Variants in HDAC4 observed in about 807,000 individuals in gnomAD.
The protein encoded by HDAC4 is histone deacetylase A.
A neutral mutation model predicts 135.1 loss-of-function variants in HDAC4; 16 were observed. The ratio of observed to expected loss-of-function variants is 0.12; its 90% CI spans 0.08 to 0.18. The LOEUF is 0.18. Ranked by LOEUF, HDAC4 falls within the 10% of genes least tolerant of loss-of-function variation. The pLI is 1.00. For missense variants in HDAC4, 1,143 were observed against 1,511.8 expected (o/e 0.76, Z 4.05); for synonymous variants, 685 against 653.4 (o/e 1.05, Z -0.74).
In HDAC4 at chr2:239,208,405, G is replaced by A. The variant is rs1055052467; in HGVS notation, c.95-18328C>T. Among the ~76,000 whole-genome samples, 4 of 150,774 alleles carry A rather than the reference G, an allele frequency of 2.7e-5. No homozygotes were observed. The South Asian group carries it at 8.4e-4, about 32-fold the overall frequency. On this transcript the variant is annotated intron_variant, in intron 3 of 26. Coordinates refer to ENST00000543185, the MANE Select transcript of HDAC4 (RefSeq NM_001378414.1). ...AAACCACCTATAAATCCAACTCACC[G>A]TTAATTATGATCATCTTCAGAATGA... is the stretch of plus-strand genomic sequence containing the variant.
intron 1 of HDAC4, among the ~76,000 whole-genome samples, chr2:239,384,155 C>T (rs1463717386): frequency 6.6e-6 from 1 of 152,216 alleles, no homozygotes; most frequent in Non-Finnish European, 1.5e-5. Flanking sequence ...ATGGGAAAGA[C>T]ACCCAGGCTA....
chr2:239,288,758 T>C (rs1309085550), intron 2 of HDAC4, among the ~76,000 whole-genome samples: 2 of 152,148 alleles, frequency 1.3e-5, no homozygotes, highest in East Asian at 1.9e-4. Context: ...ACAAGACCTT[T>C]ATAGAGAAAA....
At chr2:239,202,479 C>T (rs2045815557) in intron 3 of HDAC4, among the ~76,000 whole-genome samples, 1 of 152,110 alleles carries the variant, frequency 6.6e-6, no homozygotes, top group African/African-American at 2.4e-5. Context: ...GAGAAGGTAC[C>T]CTGGCCTCCA....
chr2:239,377,489 C>G (rs1695095753), intron 1 of HDAC4, among the ~76,000 whole-genome samples: 1 of 152,082 alleles, frequency 6.6e-6, no homozygotes, highest in South Asian at 2.1e-4. Flanking sequence ...CTCCTGGAGG[C>G]CCTGTCTTCT....
In HDAC4 at chr2:239,106,186, C is replaced by T. The variant is rs576022966; in HGVS notation, c.2112+1864G>A. ...GACAGGCAGAGGAGCCGAGGGCGGGCGGAGGAGCTGAGGGCGGGCGGAGGA... is the reference window on the plus strand; with the variant it reads ...GACAGGCAGAGGAGCCGAGGGCGGGTGGAGGAGCTGAGGGCGGGCGGAGGA... On this transcript the variant is annotated intron_variant, in intron 15 of 26. Transcript: ENST00000543185. 2.5e-3 allele frequency among the ~76,000 whole-genome samples: 383 copies of T among 152,180 alleles called. No homozygotes were observed. The Middle Eastern group carries it at 0.027, about 11-fold the overall frequency.
At chr2:239,164,474 A>G (rs1559541126) in intron 5 of HDAC4, among the ~76,000 whole-genome samples, 1 of 152,236 alleles carries the variant, frequency 6.6e-6, no homozygotes, top group Non-Finnish European at 1.5e-5. Flanking sequence ...GACTGCACCA[A>G]GTGGGACCGA....
intron 7 of HDAC4, among the ~76,000 whole-genome samples, chr2:239,148,918 A>C (rs978140592): frequency 1.3e-5 from 2 of 152,192 alleles, no homozygotes; most frequent in African/African-American, 4.8e-5. Flanking sequence ...TAAGCAAATG[A>C]AAAAAATGAT....
chr2:239,170,996 C>G (rs1452437496), intron 5 of HDAC4, among the ~76,000 whole-genome samples: 6 of 152,188 alleles, frequency 3.9e-5, no homozygotes, highest in African/African-American at 1.4e-4. Flanking sequence ...AGCTCCAGAC[C>G]TGACTGCATT....
intron 14 of HDAC4, among the ~76,000 whole-genome samples, chr2:239,110,792 G>A (rs2152796349): frequency 6.6e-6 from 1 of 152,360 alleles, no homozygotes; most frequent in East Asian, 1.9e-4. Flanking sequence ...CCTGCCAGAA[G>A]CCAGCCCTCC....
chr2:239,297,683 G>A (rs1044324746), intron 2 of HDAC4, among the ~76,000 whole-genome samples: 1 of 152,186 alleles, frequency 6.6e-6, no homozygotes, highest in Non-Finnish European at 1.5e-5. Flanking sequence ...GACTTGCCTC[G>A]GGATTGCACC....
At chr2:239,078,154 C>T (rs1185806602) in intron 22 of HDAC4, among the ~76,000 whole-genome samples, 1 of 152,188 alleles carries the variant, frequency 6.6e-6, no homozygotes, top group Non-Finnish European at 1.5e-5. Flanking sequence ...TACAAGCCCC[C>T]ACCCCCAGCG....
chr2:239,089,853 A>C (rs1423829343), intron 18 of HDAC4, 156 bp downstream of exon 18: 10 of 670,900 alleles, frequency 1.5e-5, no homozygotes, highest in East Asian at 1.4e-4. Flanking sequence ...TCTTTGATTC[A>C]ATAGCGAGGC....
rs932009469 is a variant in HDAC4 at position 239,137,796 on chromosome 2, C to A, written c.978+1888G>T. Among the ~76,000 whole-genome samples the A allele has an allele frequency of 8.5e-5, 13 of 152,358 alleles. 1 individual carries two copies. The highest frequency in any genetic ancestry group is 3.3e-4 in the Admixed American group (5 of 15,312). On this transcript the variant is annotated intron_variant, in intron 9 of 26. Coordinates refer to ENST00000543185, the MANE Select transcript of HDAC4 (RefSeq NM_001378414.1). ...CCCAGAAAGGGCGCCTGGGTGTGAT[C>A]CAACATGCAAAGGCTGCCCGTGCCC...
rs550717439 is a variant in HDAC4 at position 239,314,175 on chromosome 2, A to G, written c.22+38503T>C. On this transcript the variant is annotated intron_variant, in intron 2 of 26. Coordinates refer to ENST00000543185, the MANE Select transcript of HDAC4 (RefSeq NM_001378414.1). Reference sequence around the variant, plus strand: ...TGGCACCTCCCAGCACCAGGCAGAAACCTTCTCTAGAGGAACACGCTATGA... The same window carrying G: ...TGGCACCTCCCAGCACCAGGCAGAAGCCTTCTCTAGAGGAACACGCTATGA... 1.1e-4 allele frequency among the ~76,000 whole-genome samples: 16 copies of G among 152,296 alleles called. No homozygotes were observed. In the South Asian group the frequency reaches 3.3e-3, roughly 32 times the overall value.
chr2:239,089,916 G>T, intron 18 of HDAC4, 93 bp downstream of exon 18: 1 of 920,552 alleles, frequency 1.1e-6, no homozygotes, highest in Non-Finnish European at 1.8e-6. Context: ...CTCCCAGCCT[G>T]ATGAGAGGGA....
chr2:239,087,245 AG>A (rs1277863539), intron 19 of HDAC4, among the ~76,000 whole-genome samples: 11 of 152,168 alleles, frequency 7.2e-5, no homozygotes, highest in Non-Finnish European at 1.5e-4. Context: ...GACTCACTTG[AG>A]GGTGAGTGGT....
chr2:239,203,363 A>C (rs2045871309), intron 3 of HDAC4, among the ~76,000 whole-genome samples: 1 of 152,230 alleles, frequency 6.6e-6, no homozygotes, highest in Admixed American at 6.5e-5. Flanking sequence ...CAAGGATAAA[A>C]ATACGTTTGA....
intron 24 of HDAC4, among the ~76,000 whole-genome samples, chr2:239,066,298 C>A (rs1224900906): frequency 6.6e-6 from 1 of 152,204 alleles, no homozygotes; most frequent in East Asian, 1.9e-4. Flanking sequence ...GCAGAAGAGC[C>A]CCAGCCTGCC....
At chr2:239,324,629 C>T (rs925650818) in intron 2 of HDAC4, among the ~76,000 whole-genome samples, 12 of 152,162 alleles carry the variant, frequency 7.9e-5, no homozygotes, top group African/African-American at 2.9e-4. Flanking sequence ...ACAGGATGGT[C>T]GGAAGAGCCC....
Sources: allele counts gnomAD v4.1 joint callset (sites outside exome capture counted in the v4.1 genomes callset), GRCh38; gene constraint gnomAD v4.1.1; transcripts MANE v1.5; gene names NCBI Gene and HGNC (gene_info 2026-07-23, HGNC 2026-07-21).